Variants in ARHGEF12 observed in about 807,000 individuals in gnomAD.
ARHGEF12 encodes Rho guanine nucleotide exchange factor 12.
In ARHGEF12, 66 loss-of-function variants were observed where a neutral mutation model predicts 211.2. The observed-to-expected ratio is 0.31, with a 90% CI of 0.26 to 0.38. ARHGEF12 has a LOEUF of 0.38. Ranked by LOEUF, ARHGEF12 falls within the 10% of genes least tolerant of loss-of-function variation. The probability of loss-of-function intolerance (pLI) is 1.00; values close to 1 mark genes in which losing one functional copy is unlikely to be tolerated. For synonymous variants in ARHGEF12, 592 were observed against 638.4 expected (o/e 0.93, Z 1.09); for missense variants, 1,429 against 1,869.5 (o/e 0.76, Z 4.34).
chr11:120,422,666 G>C (rs1023825538), intron 6 of ARHGEF12, among the ~76,000 whole-genome samples: 1 of 152,156 alleles, frequency 6.6e-6, no homozygotes, highest in African/African-American at 2.4e-5. Context: ...AGGTATTTCA[G>C]ATAAGCGATA....
At chr11:120,345,454 A>T (rs981789701) in intron 1 of ARHGEF12, among the ~76,000 whole-genome samples, 2 of 152,194 alleles carry the variant, frequency 1.3e-5, no homozygotes, top group Non-Finnish European at 2.9e-5. Context: ...CTGTAATCCC[A>T]GCACTTTGGG....
At chr11:120,457,353 G>C in intron 23 of ARHGEF12, 103 bp downstream of exon 23, 1 of 1,376,176 alleles carries the variant, frequency 7.3e-7, no homozygotes, top group Non-Finnish European at 9.8e-7. Context: ...AGCCTGGCAT[G>C]GTGGTATGTA....
chr11:120,363,819 A>C (rs756010435), intron 1 of ARHGEF12, among the ~76,000 whole-genome samples: 1 of 152,206 alleles, frequency 6.6e-6, no homozygotes, highest in African/African-American at 2.4e-5. Context: ...GATGGTTGGT[A>C]GAGAGGGGAT....
chr11:120,354,600 G>C, intron 1 of ARHGEF12, among the ~76,000 whole-genome samples: 1 of 152,242 alleles, frequency 6.6e-6, no homozygotes, highest in East Asian at 1.9e-4. Flanking sequence ...TAGGTGTGTT[G>C]TTTTTTAACC....
chr11:120,415,747 A>G (rs964212756), intron 4 of ARHGEF12, among the ~76,000 whole-genome samples: 3 of 152,208 alleles, frequency 2.0e-5, no homozygotes, highest in Non-Finnish European at 2.9e-5. Context: ...ATTACCACAG[A>G]TCTAAATTTA....
Position 120,337,153 on chromosome 11 carries a change from T to C in ARHGEF12, c.-91T>C, listed in dbSNP as rs1333690604. 6.7e-7 allele frequency: 1 copy of C among 1,499,882 alleles called. No individual in the cohort carries two copies. The highest frequency in any genetic ancestry group is 1.4e-5 in the African/African-American group (1 of 72,696). The allele number at this position is 1,499,882 out of a possible 1,614,324, so 92.9% of individuals were successfully genotyped here. On this transcript the variant is annotated 5_prime_UTR_variant, in exon 1 of 41. Coordinates refer to ENST00000397843, the MANE Select transcript of ARHGEF12 (RefSeq NM_015313.3). ...TGGACTTTTGTGTCCCTGACGGAGT[T>C]GGGCCTGATCCCAGAGCACTGGGGG...
chr11:120,488,897 AT>A lies in ARHGEF12; in HGVS notation c.*3821del. 4.6e-6 allele frequency: 1 copy of A among 216,180 alleles called. No homozygotes were observed. 13.4% of individuals were successfully genotyped at this position (216,180 alleles called of 1,614,324 possible). A position where few individuals can be genotyped will look rare whatever the true frequency, so the allele number is the denominator to read the frequency against. ...AATTATCCAGATGTACCTTTGTAAA[AT>A]AGCTCTTTTATGAATTAGCTGATAA... On this transcript the variant is annotated 3_prime_UTR_variant, in exon 41 of 41. Coordinates refer to ENST00000397843, the MANE Select transcript of ARHGEF12 (RefSeq NM_015313.3).
intron 1 of ARHGEF12, among the ~76,000 whole-genome samples, chr11:120,361,767 A>G (rs1943284251): frequency 6.6e-6 from 1 of 152,238 alleles, no homozygotes; most frequent in South Asian, 2.1e-4. Context: ...TGTACGTGGA[A>G]TACGTAAACT....
At chr11:120,360,672 C>T (rs932022939) in intron 1 of ARHGEF12, among the ~76,000 whole-genome samples, 5 of 152,176 alleles carry the variant, frequency 3.3e-5, no homozygotes, top group Admixed American at 6.5e-5. Context: ...GGAATTCAGG[C>T]GTGAGCCACC....
At chr11:120,439,901 T>C (rs554127707) in intron 12 of ARHGEF12, 6 of 472,838 alleles carry the variant, frequency 1.3e-5, no homozygotes, top group African/African-American at 4.0e-5. Context: ...GAGTGGTTTT[T>C]TCCCCCCAAA....
At chr11:120,457,990 G>T in intron 24 of ARHGEF12, 90 bp from the exon 25 acceptor site, 3 of 1,439,454 alleles carry the variant, frequency 2.1e-6, no homozygotes, top group Non-Finnish European at 2.8e-6. Flanking sequence ...TCAGGAATCT[G>T]ATTAGAATTT....
intron 39 of ARHGEF12, 93 bp downstream of exon 39, chr11:120,481,669 C>T: frequency 3.2e-6 from 4 of 1,255,484 alleles, no homozygotes; most frequent in Non-Finnish European, 4.5e-6. Flanking sequence ...TGTCAATAAA[C>T]TTGTTCAGGT....
rs909134578 is a variant in ARHGEF12, at chr11:120,383,133, C to T, written c.33-22985C>T. 3.3e-5 allele frequency among the ~76,000 whole-genome samples: 5 copies of T among 151,614 alleles called. No individual in the cohort carries two copies. The East Asian group carries it at 5.8e-4, about 18-fold the overall frequency. On this transcript the variant is annotated intron_variant, in intron 1 of 40. Coordinates refer to ENST00000397843, the MANE Select transcript of ARHGEF12 (RefSeq NM_015313.3). ...CAGCCTGGGCGACAGAGCCAGACTCCGTCTCAAAAAAAAAAGAGAAACAGT... is the reference window on the plus strand; with the variant it reads ...CAGCCTGGGCGACAGAGCCAGACTCTGTCTCAAAAAAAAAAGAGAAACAGT...
At position 120,488,466 on chromosome 11, in the gene ARHGEF12, T is replaced by C. The variant is rs987367154; in HGVS notation, c.*3389T>C. 4.6e-6 allele frequency: 1 copy of C among 216,686 alleles called. No homozygotes were observed. The highest frequency in any genetic ancestry group is 2.3e-5 in the African/African-American group (1 of 44,436). 13.4% of individuals were successfully genotyped at this position (216,686 alleles called of 1,614,324 possible). A position where few individuals can be genotyped will look rare whatever the true frequency, so the allele number is the denominator to read the frequency against. On this transcript the variant is annotated 3_prime_UTR_variant, in exon 41 of 41. Coordinates refer to ENST00000397843, the MANE Select transcript of ARHGEF12 (RefSeq NM_015313.3). ...TTTATAAGTCATTTTTTTCCTGATA[T>C]TTCCACCACTTTTCAGAGTCATCTA...
chr11:120,375,772 C>G (rs553894396), intron 1 of ARHGEF12, among the ~76,000 whole-genome samples: 23 of 151,924 alleles, frequency 1.5e-4, no homozygotes, highest in Non-Finnish European at 2.9e-4. Flanking sequence ...ACCTATTGTT[C>G]TTTTTCTTTC....
chr11:120,375,129 C>G (rs530349296), intron 1 of ARHGEF12, among the ~76,000 whole-genome samples: 87 of 152,234 alleles, frequency 5.7e-4, no homozygotes, highest in African/African-American at 1.9e-3. Context: ...TCTTTTTCTG[C>G]CCTTCCTCCT....
At chr11:120,442,030 C>T in intron 14 of ARHGEF12, 74 bp from the exon 15 acceptor site, 3 of 1,102,454 alleles carry the variant, frequency 2.7e-6, no homozygotes, top group Non-Finnish European at 4.0e-6. Flanking sequence ...GACATTCCTA[C>T]TCAATGGTGA....
chr11:120,405,541 G>T (rs963190089), intron 1 of ARHGEF12, among the ~76,000 whole-genome samples: 1 of 152,002 alleles, frequency 6.6e-6, no homozygotes, highest in Non-Finnish European at 1.5e-5. Flanking sequence ...TTTTTTTCTA[G>T]ATAATCTGTT....
chr11:120,337,074 A>T lies in ARHGEF12; in HGVS notation c.-170A>T. 1 of 736,570 alleles carries T rather than the reference A, an allele frequency of 1.4e-6. No homozygotes were observed. Among genetic ancestry groups the T allele is most frequent in the South Asian group, 1.7e-5 (1 of 57,450 alleles). The allele number at this position is 736,570 out of a possible 1,614,324, so 45.6% of individuals were successfully genotyped here. On this transcript the variant is annotated 5_prime_UTR_variant, in exon 1 of 41. Transcript: ENST00000397843. ...GATAACTTGTTTTGCTCCAAGCCGC[A>T]TCCGTTGACCCCTTACAGTCGGATG...
Sources: allele counts gnomAD v4.1 joint callset (sites outside exome capture counted in the v4.1 genomes callset), GRCh38; gene constraint gnomAD v4.1.1; transcripts MANE v1.5; gene names NCBI Gene and HGNC (gene_info 2026-07-23, HGNC 2026-07-21).